NRXN1: variants seen among roughly 807,000 people sequenced by gnomAD.
NRXN1 encodes the protein neurexin-1.
NRXN1 carries 39 observed loss-of-function variants against 150.9 expected under a neutral mutation model. That is an observed-to-expected ratio of 0.26 (90% CI 0.20 to 0.34). The LOEUF (loss-of-function observed/expected upper bound fraction) is 0.34. NRXN1 is among the 10% of genes least tolerant of loss of function. The probability of loss-of-function intolerance (pLI) is 1.00; values close to 1 mark genes in which losing one functional copy is unlikely to be tolerated. For missense variants in NRXN1, 1,815 were observed against 1,949.9 expected (o/e 0.93, Z 1.30); for synonymous variants, 924 against 757.0 (o/e 1.22, Z -3.62).
At chr2:50,019,365 C>G (rs1573442648) in intron 21 of NRXN1, 2 of 470,314 alleles carry the variant, frequency 4.3e-6, no homozygotes, top group Admixed American at 4.7e-5. Flanking sequence ...CTAGGTCGGG[C>G]TGGGCGCGGT....
intron 21 of NRXN1, among the ~76,000 whole-genome samples, chr2:50,052,518 T>C (rs551537889): frequency 2.0e-5 from 3 of 152,146 alleles, no homozygotes; most frequent in African/African-American, 7.2e-5. Context: ...TTCAAACCAG[T>C]GCCTGAAATG....
chr2:50,222,207 G>C (rs2063951531), intron 18 of NRXN1, among the ~76,000 whole-genome samples: 1 of 151,976 alleles, frequency 6.6e-6, no homozygotes, highest in South Asian at 2.1e-4. Flanking sequence ...TCATGAAATA[G>C]TTATCCAACC....
At chr2:50,654,712 G>A (rs1253722106) in intron 5 of NRXN1, among the ~76,000 whole-genome samples, 4 of 152,018 alleles carry the variant, frequency 2.6e-5, no homozygotes, top group African/African-American at 7.2e-5. Flanking sequence ...ACTTTCTAAT[G>A]ATCACCATTC....
chr2:50,421,812 A>G (rs2084021341), intron 17 of NRXN1, among the ~76,000 whole-genome samples: 1 of 152,134 alleles, frequency 6.6e-6, no homozygotes, highest in African/African-American at 2.4e-5. Flanking sequence ...AAGAGATCAG[A>G]ACTGTTGTTT....
intron 8 of NRXN1, among the ~76,000 whole-genome samples, chr2:50,577,305 T>C: frequency 6.6e-6 from 1 of 151,866 alleles, no homozygotes; most frequent in Admixed American, 6.6e-5. Context: ...AATCTGTAAA[T>C]ATAAAATAAG....
chr2:50,379,838 T>A (rs1317223602), intron 17 of NRXN1, among the ~76,000 whole-genome samples: 2 of 152,170 alleles, frequency 1.3e-5, no homozygotes, highest in Non-Finnish European at 2.9e-5. Context: ...TTGTATCTCA[T>A]TTTAAACACC....
At chr2:50,560,437 T>TTTA (rs1668890856) in intron 8 of NRXN1, among the ~76,000 whole-genome samples, 1 of 149,388 alleles carries the variant, frequency 6.7e-6, no homozygotes, top group African/African-American at 2.5e-5. Context: ...TATTTATTTA[T>TTTA]TTATTTATTT....
At position 49,965,460 on chromosome 2, in the gene NRXN1, G is replaced by A. The variant is rs916390953; in HGVS notation, c.4129-21669C>T. On this transcript the variant is annotated intron_variant, in intron 21 of 22. Transcript: ENST00000401669. ...TTTTTGTATTTTTAGTAGAGACGGGGTTTCACCATGTTGGCCAGGCTGGTC... is the reference window on the plus strand; with the variant it reads ...TTTTTGTATTTTTAGTAGAGACGGGATTTCACCATGTTGGCCAGGCTGGTC... Among the ~76,000 whole-genome samples, 2 of 151,584 alleles carry A rather than the reference G, an allele frequency of 1.3e-5. 1 individual carries two copies. The highest frequency in any genetic ancestry group is 4.9e-5 in the African/African-American group (2 of 41,198).
At chr2:50,555,852 A>C (rs973424384) in intron 8 of NRXN1, among the ~76,000 whole-genome samples, 14 of 152,298 alleles carry the variant, frequency 9.2e-5, no homozygotes, top group Admixed American at 3.9e-4. Context: ...TGGCCCATGC[A>C]TTGGGAAATT....
At chr2:50,018,867 C>T (rs989875926) in intron 21 of NRXN1, among the ~76,000 whole-genome samples, 15 of 152,148 alleles carry the variant, frequency 9.9e-5, no homozygotes, top group African/African-American at 3.6e-4. Flanking sequence ...GAAATAGGCA[C>T]AGAAAAATCC....
intron 21 of NRXN1, among the ~76,000 whole-genome samples, chr2:49,989,030 C>A (rs1346803959): frequency 6.6e-6 from 1 of 152,120 alleles, no homozygotes; most frequent in Non-Finnish European, 1.5e-5. Context: ...CTAGATTATT[C>A]CATTTGAGTT....
At chr2:50,563,576 C>T (rs10195751) in intron 8 of NRXN1, among the ~76,000 whole-genome samples, 28,363 of 152,024 alleles carry the variant, frequency 0.19, 2,767 homozygotes, top group East Asian at 0.36. Context: ...TCAGACTCCA[C>T]TTTAATGGTG....
At chr2:50,810,984 A>G (rs1668138628) in intron 5 of NRXN1, among the ~76,000 whole-genome samples, 1 of 152,190 alleles carries the variant, frequency 6.6e-6, no homozygotes, top group African/African-American at 2.4e-5. Context: ...GTCTCAAAAA[A>G]AAAAAAGTGT....
intron 17 of NRXN1, among the ~76,000 whole-genome samples, chr2:50,416,731 A>G (rs2104183603): frequency 6.6e-6 from 1 of 152,096 alleles, no homozygotes; most frequent in African/African-American, 2.4e-5. Context: ...GCAAAGAGGG[A>G]AAAGCCCCTT....
rs115081134 is a variant in NRXN1, at chr2:50,808,201, A to G, written c.832+113668T>C. On this transcript the variant is annotated intron_variant, in intron 5 of 22. Transcript: ENST00000401669. ...ATTGTAAATAGTTTCCGGGGCAAGT[A>G]TAGACTGAGTCCATCCAGAATGACT... Among the ~76,000 whole-genome samples the G allele has an allele frequency of 4.5e-3, 682 of 152,230 alleles. 5 individuals carry two copies. The highest frequency in any genetic ancestry group is 0.015 in the African/African-American group (621 of 41,552).
chr2:50,994,512 A>G (rs1575158256), intron 2 of NRXN1, among the ~76,000 whole-genome samples: 1 of 152,176 alleles, frequency 6.6e-6, no homozygotes, highest in East Asian at 1.9e-4. Context: ...AACAGAATGT[A>G]CATGCCAAGG....
At chr2:50,457,679 CAT>C (rs967613837) in intron 17 of NRXN1, among the ~76,000 whole-genome samples, 1 of 151,836 alleles carries the variant, frequency 6.6e-6, no homozygotes, top group Non-Finnish European at 1.5e-5. Flanking sequence ...CAAAAGAAGA[CAT>C]ATAAATGGTC....
At chr2:50,580,160 G>T (rs192525101) in intron 8 of NRXN1, among the ~76,000 whole-genome samples, 1 of 152,150 alleles carries the variant, frequency 6.6e-6, no homozygotes. Context: ...TGAAGAAAAT[G>T]CACACCCATA....
At chr2:50,290,800 G>A (rs1025861153) in intron 17 of NRXN1, among the ~76,000 whole-genome samples, 2 of 150,054 alleles carry the variant, frequency 1.3e-5, no homozygotes, top group Non-Finnish European at 2.9e-5. Flanking sequence ...GATCTCTTCT[G>A]GACAAAACAT....
Sources: allele counts gnomAD v4.1 joint callset (sites outside exome capture counted in the v4.1 genomes callset), GRCh38; gene constraint gnomAD v4.1.1; transcripts MANE v1.5; gene names NCBI Gene and HGNC (gene_info 2026-07-23, HGNC 2026-07-21).